Variants in DMXL1 observed in about 807,000 individuals in gnomAD.
DMXL1 encodes dmX-like protein 1.
Under a neutral mutation model 319.2 loss-of-function variants are expected in DMXL1, and 99 were observed. That is an observed-to-expected ratio of 0.31 (90% CI 0.26 to 0.37). The LOEUF is 0.37. Among genes scored for constraint, DMXL1 ranks in the 10% least tolerant of loss-of-function variants. The pLI, the probability that DMXL1 is intolerant of heterozygous loss-of-function variation, is 1.00. For missense variants in DMXL1, 3,745 were observed against 3,595.6 expected, an observed-to-expected ratio of 1.04 and a Z score of -1.06; for synonymous variants, 1,385 against 1,235.2, an observed-to-expected ratio of 1.12 and a Z score of -2.54.
At chr5:119,106,120 T>C (rs975271281) in intron 4 of DMXL1, among the ~76,000 whole-genome samples, 2 of 152,274 alleles carry the variant, frequency 1.3e-5, no homozygotes, top group South Asian at 2.1e-4. Context: ...AGAAAGGCTT[T>C]GTTCACATAT....
intron 9 of DMXL1, among the ~76,000 whole-genome samples, chr5:119,124,630 ATC>A (rs1763093822): frequency 6.9e-6 from 1 of 145,356 alleles, no homozygotes. Flanking sequence ...CAGTGGTGTA[ATC>A]AAGGCTCACT....
chr5:119,223,784 A>C (rs1012483203), intron 37 of DMXL1, among the ~76,000 whole-genome samples: 1 of 152,188 alleles, frequency 6.6e-6, no homozygotes, highest in Admixed American at 6.5e-5. Flanking sequence ...TGAATATTAA[A>C]AAAAGAAGAC....
intron 28 of DMXL1, among the ~76,000 whole-genome samples, chr5:119,184,169 C>T (rs1482617619): frequency 6.6e-6 from 1 of 151,926 alleles, no homozygotes; most frequent in Non-Finnish European, 1.5e-5. Flanking sequence ...GATCCTTCCA[C>T]CTCAGTGCCC....
At chr5:119,216,153 A>G (rs1783661486) in intron 34 of DMXL1, among the ~76,000 whole-genome samples, 1 of 144,654 alleles carries the variant, frequency 6.9e-6, no homozygotes, top group Non-Finnish European at 1.5e-5. Flanking sequence ...GTCCTATATT[A>G]GGCAACATTT....
At chr5:119,123,206 G>A (rs1420493563) in intron 9 of DMXL1, among the ~76,000 whole-genome samples, 1 of 151,952 alleles carries the variant, frequency 6.6e-6, no homozygotes, top group Non-Finnish European at 1.5e-5. Flanking sequence ...GGCAGGCTGA[G>A]GCAGGAGAAT....
At chr5:119,206,143 A>G (rs893585708) in intron 33 of DMXL1, among the ~76,000 whole-genome samples, 2 of 152,094 alleles carry the variant, frequency 1.3e-5, no homozygotes, top group Non-Finnish European at 2.9e-5. Context: ...AATAGAAAGT[A>G]CAGACAACTG....
intron 1 of DMXL1, among the ~76,000 whole-genome samples, chr5:119,079,148 C>A (rs767437658): frequency 6.6e-6 from 1 of 152,198 alleles, no homozygotes; most frequent in African/African-American, 2.4e-5. Context: ...GCTCATTTTT[C>A]CTTTCTTGTA....
intron 33 of DMXL1, 114 bp downstream of exon 33, chr5:119,203,550 C>A: frequency 2.0e-6 from 1 of 501,024 alleles, no homozygotes; most frequent in Non-Finnish European, 3.5e-6. Flanking sequence ...GTATCATAAA[C>A]ATAGGCAATT....
chr5:119,172,043 T>A, intron 25 of DMXL1, 74 bp downstream of exon 25: 1 of 1,352,378 alleles, frequency 7.4e-7, no homozygotes, highest in Non-Finnish European at 1.0e-6. Context: ...TTAAGGCTTT[T>A]TTTTAAGTAA....
chr5:119,164,567 A>T lies in DMXL1; in HGVS notation c.4763A>T (p.Asn1588Ile). 1 of 1,614,152 alleles carries T rather than the reference A, an allele frequency of 6.2e-7. No homozygotes were observed. The highest frequency in any genetic ancestry group is 1.1e-5 in the South Asian group (1 of 91,078). The change falls in exon 20 of 44, where the codon AAC becomes ATC. Residue 1588 changes from asparagine (N) to isoleucine (I), a missense_variant. By Grantham distance (149) the Asn-to-Ile change is moderately radical (BLOSUM62 -3). This residue lies in a region of DMXL1 where 2,096 missense variants were observed against 1,985.4 expected (regional missense o/e 1.06). Coordinates refer to ENST00000539542, the MANE Select transcript of DMXL1 (RefSeq NM_001290321.3). ...FHSVAEEELL[N>I]MLPAMQKDDP... Reference sequence around the variant, plus strand: ...TCAGTAGCAGAAGAAGAACTGCTGAACATGTTGCCAGCCATGCAGAAAGAT... The same window carrying T: ...TCAGTAGCAGAAGAAGAACTGCTGATCATGTTGCCAGCCATGCAGAAAGAT...
chr5:119,157,305 T>C (rs1024887533), intron 19 of DMXL1, among the ~76,000 whole-genome samples: 1 of 152,244 alleles, frequency 6.6e-6, no homozygotes, highest in African/African-American at 2.4e-5. Flanking sequence ...TATTCTTTGC[T>C]ATGCAGACAT....
chr5:119,104,174 A>G (rs911456109), intron 3 of DMXL1: 1 of 152,214 alleles, frequency 6.6e-6, no homozygotes, highest in Non-Finnish European at 1.5e-5. Context: ...CATCACAACT[A>G]CCATTGGATA....
At chr5:119,120,659 A>C (rs977128971) in intron 8 of DMXL1, among the ~76,000 whole-genome samples, 1 of 152,228 alleles carries the variant, frequency 6.6e-6, no homozygotes, top group African/African-American at 2.4e-5. Context: ...TATTGGGAAA[A>C]AAATTTTTAA....
At chr5:119,203,635 G>A (rs1781225674) in intron 33 of DMXL1, among the ~76,000 whole-genome samples, 199 bp downstream of exon 33, 1 of 151,804 alleles carries the variant, frequency 6.6e-6, no homozygotes, top group South Asian at 2.1e-4. Flanking sequence ...AATGTATTTG[G>A]GACTTTTTTC....
Position 119,175,310 on chromosome 5 carries a change from A to C in DMXL1, c.6731A>C (p.Gln2244Pro). The change falls in exon 26 of 44, where the codon CAG (glutamine) becomes CCG (proline). Residue 2244 changes from glutamine to proline, a missense_variant. Physicochemically the swap from Gln to Pro is moderately conservative, Grantham distance 76. Coordinates refer to ENST00000539542, the MANE Select transcript of DMXL1 (RefSeq NM_001290321.3). ...LAASLSACIY[Q>P]CLCGSHNYSS... is the part of the protein sequence containing the mutation. ...GCTTCACTTTCTGCTTGTATTTATC[A>C]GTGCCTTTGTGGTAGTCATAACTAC... 1 of 1,611,934 alleles carries C rather than the reference A, an allele frequency of 6.2e-7. No homozygotes were observed. The highest frequency in any genetic ancestry group is 8.5e-7 in the Non-Finnish European group (1 of 1,178,990).
At chr5:119,133,084 T>A in intron 10 of DMXL1, 48 bp from the exon 11 acceptor site, 1 of 1,597,814 alleles carries the variant, frequency 6.3e-7, no homozygotes, top group Non-Finnish European at 8.5e-7. Context: ...TAATTTATAG[T>A]AATAACCTGT....
chr5:119,136,444 C>T (rs1007460712), intron 13 of DMXL1, among the ~76,000 whole-genome samples: 3 of 152,220 alleles, frequency 2.0e-5, no homozygotes, highest in Non-Finnish European at 4.4e-5. Flanking sequence ...GAGAAGAATT[C>T]AAGGGCTACA....
intron 42 of DMXL1, among the ~76,000 whole-genome samples, chr5:119,244,001 C>A (rs966742351): frequency 3.3e-5 from 5 of 152,222 alleles, no homozygotes; most frequent in African/African-American, 1.2e-4. Flanking sequence ...ACCAAAGCAG[C>A]ATTTGGTCTA....
chr5:119,210,247 G>A (rs1003853351), intron 34 of DMXL1, among the ~76,000 whole-genome samples: 15 of 152,098 alleles, frequency 9.9e-5, no homozygotes, highest in Admixed American at 8.5e-4. Context: ...CACCGCAGCC[G>A]GCCACAAGTT....
Sources: gnomAD v4.1 joint callset for allele counts (sites outside exome capture counted in the v4.1 genomes callset) on GRCh38, gnomAD v4.1.1 for gene constraint, gnomAD v4.1.1 regional missense constraint, MANE v1.5 for transcripts, NCBI Gene and HGNC (gene_info 2026-07-23, HGNC 2026-07-21) for gene names.